The following PPFIA2 variants were observed in gnomAD, a reference collection of about 807,000 sequenced individuals.
PPFIA2 encodes liprin-alpha-2.
PPFIA2 carries 46 observed loss-of-function variants against 175.5 expected under a neutral mutation model. The observed-to-expected ratio is 0.26, with a 90% CI of 0.21 to 0.34. The LOEUF is 0.34. PPFIA2 is among the 10% of genes least tolerant of loss of function. PPFIA2 has a pLI of 1.00. For synonymous variants in PPFIA2, 568 were observed against 511.4 expected, an observed-to-expected ratio of 1.11 and a Z score of -1.49; for missense variants, 1,179 against 1,506.1, an observed-to-expected ratio of 0.78 and a Z score of 3.60.
At chr12:81,700,521 G>T (rs2076366735) in intron 3 of PPFIA2, among the ~76,000 whole-genome samples, 1 of 152,000 alleles carries the variant, frequency 6.6e-6, no homozygotes, top group Admixed American at 6.6e-5. Context: ...GACCAGAATA[G>T]GTTTGGTTTT....
intron 8 of PPFIA2, among the ~76,000 whole-genome samples, chr12:81,397,556 AGTGGCTTCT>A (rs1445091364): frequency 6.6e-6 from 1 of 152,134 alleles, no homozygotes. Flanking sequence ...CTGTAGCAGG[AGTGGCTTCT>A]GTGCTATGGT....
intron 4 of PPFIA2, among the ~76,000 whole-genome samples, chr12:81,557,884 C>T (rs1170523956): frequency 6.6e-6 from 1 of 151,936 alleles, no homozygotes; most frequent in African/African-American, 2.4e-5. Context: ...AACTCTCTGG[C>T]CATAAATTAT....
chr12:81,385,470 G>A (rs780226291), intron 8 of PPFIA2, among the ~76,000 whole-genome samples: 2 of 152,106 alleles, frequency 1.3e-5, no homozygotes, highest in East Asian at 1.9e-4. Flanking sequence ...GTCTATCAAC[G>A]GATGAATGGA....
At chr12:81,602,836 G>T (rs905148307) in intron 4 of PPFIA2, among the ~76,000 whole-genome samples, 5 of 151,766 alleles carry the variant, frequency 3.3e-5, no homozygotes, top group African/African-American at 1.2e-4. Flanking sequence ...TTAGAAAAGG[G>T]TACATATAGA....
At chr12:81,672,596 G>T (rs1416234351) in intron 4 of PPFIA2, among the ~76,000 whole-genome samples, 1 of 151,858 alleles carries the variant, frequency 6.6e-6, no homozygotes, top group African/African-American at 2.4e-5. Flanking sequence ...GAAATAAAGA[G>T]AACCATTAGC....
chr12:81,700,328 C>T (rs2076348085), intron 3 of PPFIA2, among the ~76,000 whole-genome samples: 2 of 151,904 alleles, frequency 1.3e-5, no homozygotes, highest in Admixed American at 1.3e-4. Context: ...AAATTAGTTA[C>T]TAATCAAATG....
intron 3 of PPFIA2, among the ~76,000 whole-genome samples, chr12:81,704,626 A>C (rs971540340): frequency 3.3e-5 from 5 of 152,136 alleles, no homozygotes; most frequent in Non-Finnish European, 7.4e-5. Flanking sequence ...ACTTCACTAA[A>C]ATAGGAAAAT....
intron 7 of PPFIA2, among the ~76,000 whole-genome samples, chr12:81,416,207 A>T (rs928890847): frequency 3.3e-5 from 5 of 151,648 alleles, no homozygotes; most frequent in Non-Finnish European, 7.4e-5. Context: ...AATCCAGAGA[A>T]TGAAAGCAAA....
At chr12:81,445,210 G>C (rs976736277) in intron 6 of PPFIA2, among the ~76,000 whole-genome samples, 3 of 136,288 alleles carry the variant, frequency 2.2e-5, no homozygotes, top group Non-Finnish European at 3.1e-5. Flanking sequence ...CCAAGGTGGG[G>C]GGGGGGGAGG....
At chr12:81,729,981 C>A (rs1277098070) in intron 3 of PPFIA2, among the ~76,000 whole-genome samples, 1 of 151,526 alleles carries the variant, frequency 6.6e-6, no homozygotes, top group African/African-American at 2.4e-5. Context: ...AAGAATGTAG[C>A]CTTTGCTGAC....
At chr12:81,707,614 C>A (rs910925435) in intron 3 of PPFIA2, among the ~76,000 whole-genome samples, 8 of 148,178 alleles carry the variant, frequency 5.4e-5, no homozygotes, top group African/African-American at 1.5e-4. Flanking sequence ...GTCAGTGTGG[C>A]GATTCCTCAG....
At chr12:81,530,443 A>C (rs561584460) in intron 4 of PPFIA2, among the ~76,000 whole-genome samples, 5 of 152,156 alleles carry the variant, frequency 3.3e-5, no homozygotes, top group African/African-American at 1.2e-4. Flanking sequence ...GATCCAATCT[A>C]ATGATGTAAT....
At chr12:81,324,352 G>A (rs1227932367) in intron 22 of PPFIA2, among the ~76,000 whole-genome samples, 3 of 152,008 alleles carry the variant, frequency 2.0e-5, no homozygotes, top group Non-Finnish European at 4.4e-5. Context: ...AACAACTAAT[G>A]AAGTATGCAA....
At chr12:81,323,754 A>G (rs1360483901) in intron 22 of PPFIA2, among the ~76,000 whole-genome samples, 2 of 152,052 alleles carry the variant, frequency 1.3e-5, no homozygotes, top group East Asian at 1.9e-4. Context: ...TATGAAGACA[A>G]CTTACTCTCT....
At chr12:81,379,582 C>T (rs2037179256) in intron 9 of PPFIA2, among the ~76,000 whole-genome samples, 2 of 152,192 alleles carry the variant, frequency 1.3e-5, no homozygotes, top group East Asian at 1.9e-4. Context: ...ATTATCCATA[C>T]ACAATTAATA....
At chr12:81,604,448 T>C (rs2153459328) in intron 4 of PPFIA2, among the ~76,000 whole-genome samples, 1 of 151,898 alleles carries the variant, frequency 6.6e-6, no homozygotes, top group Admixed American at 6.6e-5. Flanking sequence ...TATGAAATGT[T>C]GAGTCACATT....
intron 4 of PPFIA2, among the ~76,000 whole-genome samples, chr12:81,508,149 C>G (rs534193827): frequency 6.6e-6 from 1 of 152,128 alleles, no homozygotes; most frequent in African/African-American, 2.4e-5. Context: ...TTCTTCATCT[C>G]TGAAATAAAG....
rs2060769859 is a variant in PPFIA2 at position 81,503,153 on chromosome 12, C to T, written c.304-45287G>A. Among the ~76,000 whole-genome samples, 5 of 152,274 alleles carry T rather than the reference C, an allele frequency of 3.3e-5. No individual in the cohort carries two copies. The South Asian group carries it at 1.0e-3, about 32-fold the overall frequency. ...TCCTTTCTGCCTCTCCCTCCCACTG[C>T]CACTGCCCTGGTCTGGAGTTCCTCC... is the stretch of plus-strand genomic sequence containing the variant. On this transcript the variant is annotated intron_variant, in intron 4 of 32. Transcript: ENST00000549396.
chr12:81,536,713 TATAC>T (rs1567229335), intron 4 of PPFIA2, among the ~76,000 whole-genome samples: 5 of 139,914 alleles, frequency 3.6e-5, no homozygotes, highest in African/African-American at 1.3e-4. Flanking sequence ...TAGCATGTAA[TATAC>T]ATATATACAC....
Sources: gnomAD v4.1 joint callset for allele counts (sites outside exome capture counted in the v4.1 genomes callset) on GRCh38, gnomAD v4.1.1 for gene constraint, MANE v1.5 for transcripts, NCBI Gene and HGNC (gene_info 2026-07-23, HGNC 2026-07-21) for gene names.